The following PDE11A variants were observed in gnomAD, a reference collection of about 807,000 sequenced individuals.
PDE11A encodes the protein phosphodiesterase 11A, also known as dual 3',5'-cyclic-AMP and -GMP phosphodiesterase 11A.
PDE11A carries 100 observed loss-of-function variants against 100.5 expected under a neutral mutation model. The observed-to-expected ratio is 1.00, with a 90% CI of 0.85 to 1.18. The LOEUF (loss-of-function observed/expected upper bound fraction) is 1.18, where lower values mean the gene tolerates loss of function less well. Among genes scored for constraint, PDE11A ranks in the 50% most tolerant of loss-of-function variants. The pLI is 0.00. For synonymous variants in PDE11A, 381 were observed against 420.8 expected, an observed-to-expected ratio of 0.91 and a Z score of 1.16; for missense variants, 1,141 against 1,152.6, an observed-to-expected ratio of 0.99 and a Z score of 0.15.
chr2:177,889,795 T>C, intron 4 of PDE11A, among the ~76,000 whole-genome samples: 1 of 152,182 alleles, frequency 6.6e-6, no homozygotes, highest in African/African-American at 2.4e-5. Context: ...TTGTATCTCT[T>C]TCTTGAACAA....
chr2:177,820,796 T>C (rs2083125890), intron 6 of PDE11A, among the ~76,000 whole-genome samples: 1 of 151,912 alleles, frequency 6.6e-6, no homozygotes, highest in Non-Finnish European at 1.5e-5. Flanking sequence ...TTGTCAAATC[T>C]AGATACAAAA....
chr2:178,078,169 C>G (rs1330154616), intron 2 of PDE11A, among the ~76,000 whole-genome samples: 1 of 151,828 alleles, frequency 6.6e-6, no homozygotes, highest in Non-Finnish European at 1.5e-5. Context: ...ACTTGAAATG[C>G]TCTTCTCCCC....
At chr2:177,905,381 T>C (rs780300929) in intron 2 of PDE11A, among the ~76,000 whole-genome samples, 194 bp from the exon 3 acceptor site, 1 of 152,260 alleles carries the variant, frequency 6.6e-6, no homozygotes, top group Non-Finnish European at 1.5e-5. Flanking sequence ...CTAAAATATG[T>C]TGTAAATCAA....
At chr2:177,788,801 A>C (rs899591876) in intron 9 of PDE11A, among the ~76,000 whole-genome samples, 5 of 152,226 alleles carry the variant, frequency 3.3e-5, no homozygotes, top group Non-Finnish European at 5.9e-5. Flanking sequence ...GAAATGGATA[A>C]ATTCCTCGAC....
intron 4 of PDE11A, among the ~76,000 whole-genome samples, chr2:177,878,857 C>T (rs1488677353): frequency 6.6e-6 from 1 of 152,170 alleles, no homozygotes; most frequent in Non-Finnish European, 1.5e-5. Flanking sequence ...ACTTTATTTA[C>T]TAATTCTACA....
chr2:178,071,389 A>G, intron 1 of PDE11A, 137 bp downstream of exon 1: 1 of 1,042,018 alleles, frequency 9.6e-7, no homozygotes. Context: ...TAACTAGTCT[A>G]AACTCGGGAA....
At position 178,072,745 on chromosome 2, in the gene PDE11A, G is replaced by C. The variant is rs926460319; in HGVS notation, c.-308C>G. The C allele has an allele frequency of 7.6e-5, 101 of 1,320,660 alleles. No homozygotes were observed. The highest frequency in any genetic ancestry group is 9.4e-5 in the Non-Finnish European group (97 of 1,028,628). 81.8% of individuals were successfully genotyped at this position (1,320,660 alleles called of 1,614,324 possible). On this transcript the variant is annotated 5_prime_UTR_variant, in exon 1 of 20. Coordinates refer to ENST00000286063, the MANE Select transcript of PDE11A (RefSeq NM_016953.4). ...AGCTATCGCTGCTCCTGTTCTGGCT[G>C]CCGCCGCTGCTGCTGGAACTGCTGC...
intron 5 of PDE11A, among the ~76,000 whole-genome samples, chr2:177,865,631 CAT>C (rs2084015312): frequency 6.6e-6 from 1 of 152,096 alleles, no homozygotes. Context: ...GAATAAGAAA[CAT>C]ATGATATATC....
intron 2 of PDE11A, among the ~76,000 whole-genome samples, chr2:177,959,556 G>A (rs2085607187): frequency 6.6e-6 from 1 of 152,200 alleles, no homozygotes; most frequent in Non-Finnish European, 1.5e-5. Context: ...TAAACAGAGA[G>A]AAAGCAGAGA....
chr2:178,094,636 G>A (rs887965388), intron 2 of PDE11A, among the ~76,000 whole-genome samples: 30 of 152,154 alleles, frequency 2.0e-4, no homozygotes, highest in African/African-American at 7.2e-4. Flanking sequence ...TTCAAAAAAG[G>A]CCTTTATGAA....
At chr2:177,785,613 A>G (rs539124357) in intron 9 of PDE11A, among the ~76,000 whole-genome samples, 4 of 152,368 alleles carry the variant, frequency 2.6e-5, no homozygotes, top group Middle Eastern at 3.4e-3. Context: ...ACAAGGGGTC[A>G]GGGAGTTCCC....
At chr2:178,044,399 TTA>T (rs201801528) in intron 1 of PDE11A, among the ~76,000 whole-genome samples, 179 of 147,916 alleles carry the variant, frequency 1.2e-3, no homozygotes, top group African/African-American at 3.1e-3. Context: ...CTTTATATGT[TTA>T]TATATATATA....
chr2:177,712,286 C>T (rs376076568), intron 12 of PDE11A, among the ~76,000 whole-genome samples: 1 of 151,140 alleles, frequency 6.6e-6, no homozygotes, highest in Non-Finnish European at 1.5e-5. Context: ...AAAGTGAACA[C>T]TACACCTGCC....
intron 9 of PDE11A, among the ~76,000 whole-genome samples, chr2:177,815,866 T>C (rs2083029910): frequency 6.6e-6 from 1 of 152,228 alleles, no homozygotes; most frequent in Admixed American, 6.5e-5. Flanking sequence ...TGACATTTTA[T>C]CTTGCCTACT....
chr2:177,662,589 G>GA (rs2080499848), intron 19 of PDE11A, among the ~76,000 whole-genome samples: 2 of 151,984 alleles, frequency 1.3e-5, no homozygotes, highest in Admixed American at 1.3e-4. Context: ...CAGACAGGAA[G>GA]AAAAAAGAGT....
intron 5 of PDE11A, among the ~76,000 whole-genome samples, chr2:177,851,467 A>G (rs1421403931): frequency 1.3e-5 from 2 of 152,126 alleles, no homozygotes; most frequent in African/African-American, 4.8e-5. Flanking sequence ...GCACACCAAC[A>G]TGGCACATGT....
intron 15 of PDE11A, among the ~76,000 whole-genome samples, chr2:177,686,104 G>A (rs1223601685): frequency 6.6e-6 from 1 of 152,132 alleles, no homozygotes; most frequent in Non-Finnish European, 1.5e-5. Context: ...ATATCAAAAC[G>A]TAGCATGCTA....
chr2:177,742,394 T>C (rs2081885820), intron 10 of PDE11A, among the ~76,000 whole-genome samples: 1 of 152,284 alleles, frequency 6.6e-6, no homozygotes, highest in African/African-American at 2.4e-5. Flanking sequence ...GATGAAGTCT[T>C]TCTTGGTGCC....
At chr2:177,746,195 T>C (rs886380505) in intron 10 of PDE11A, among the ~76,000 whole-genome samples, 3 of 152,182 alleles carry the variant, frequency 2.0e-5, no homozygotes, top group African/African-American at 2.4e-5. Context: ...AATGAGACTT[T>C]CTAAAAAAAA....
Sources: gnomAD v4.1 joint callset for allele counts (sites outside exome capture counted in the v4.1 genomes callset) on GRCh38, gnomAD v4.1.1 for gene constraint, MANE v1.5 for transcripts, NCBI Gene and HGNC (gene_info 2026-07-23, HGNC 2026-07-21) for gene names.